Variants in ARSG observed in about 807,000 individuals in gnomAD.
The protein encoded by ARSG is arylsulfatase G.
In ARSG, 37 loss-of-function variants were observed where a neutral mutation model predicts 50.5. The ratio of observed to expected loss-of-function variants is 0.73; its 90% CI spans 0.56 to 0.96. ARSG has a LOEUF of 0.96. Among genes scored for constraint, ARSG ranks in the 50% least tolerant of loss-of-function variants. The pLI, the probability that ARSG is intolerant of heterozygous loss-of-function variation, is 0.00. For missense variants in ARSG, 629 were observed against 675.3 expected, an observed-to-expected ratio of 0.93 and a Z score of 0.76; for synonymous variants, 225 against 254.6, an observed-to-expected ratio of 0.88 and a Z score of 1.11.
intron 8 of ARSG, among the ~76,000 whole-genome samples, chr17:68,377,304 G>A (rs906367867): frequency 2.6e-5 from 4 of 152,232 alleles, no homozygotes; most frequent in African/African-American, 9.6e-5. Context: ...TCCAAGTCAC[G>A]TGACTGCTCT....
At chr17:68,386,260 T>C (rs1388889547) in intron 9 of ARSG, among the ~76,000 whole-genome samples, 2 of 152,214 alleles carry the variant, frequency 1.3e-5, no homozygotes, top group African/African-American at 4.8e-5. Flanking sequence ...GAACCCTCCG[T>C]AGAACCCTGT....
intron 9 of ARSG, among the ~76,000 whole-genome samples, chr17:68,392,190 C>G (rs1190891128): frequency 6.6e-6 from 1 of 152,228 alleles, no homozygotes; most frequent in Non-Finnish European, 1.5e-5. Flanking sequence ...TAGCTCAGCC[C>G]TCCTGGCTCC....
chr17:68,384,812 C>G (rs184571051), intron 8 of ARSG, among the ~76,000 whole-genome samples: 1 of 152,138 alleles, frequency 6.6e-6, no homozygotes, highest in Non-Finnish European at 1.5e-5. Context: ...TGGGGAAGGT[C>G]TCATGAAGAA....
intron 4 of ARSG, among the ~76,000 whole-genome samples, chr17:68,347,687 A>G (rs1168759601): frequency 1.3e-5 from 2 of 152,144 alleles, no homozygotes; most frequent in Non-Finnish European, 2.9e-5. Context: ...TGAAGGGCGG[A>G]TTCTCCAAAC....
At chr17:68,435,557 C>G in the ARSG span, 62 of 1,518,766 alleles carry the variant, frequency 4.1e-5, no homozygotes, top group Middle Eastern at 6.3e-4. Context: ...CAATCCCATC[C>G]CTGCGCACGG....
chr17:68,420,664 C>T lies in ARSG; in HGVS notation c.*201C>T. The T allele has an allele frequency of 1.6e-6, 1 of 644,554 alleles. No individual in the cohort carries two copies. Among genetic ancestry groups the T allele is most frequent in the Admixed American group, 3.0e-5 (1 of 33,000 alleles). The allele number at this position is 644,554 out of a possible 1,614,324, so 39.9% of individuals were successfully genotyped here. On this transcript the variant is annotated 3_prime_UTR_variant, in exon 12 of 12. Transcript: ENST00000621439. The stretch of plus-strand genomic sequence containing the variant: ...GCAGCTGAGCTGCGCTGGCTCTGGG[C>T]AGGGAGTGTGCCTTAATGGGAAGCA...
At chr17:68,313,681 C>CTTTTTTTTT (rs10660116) in intron 2 of ARSG, among the ~76,000 whole-genome samples, 6 of 123,400 alleles carry the variant, frequency 4.9e-5, no homozygotes, top group Non-Finnish European at 6.7e-5. Context: ...CTCTCTCTCT[C>CTTTTTTTTT]TCTTTTTTTT....
intron 1 of ARSG, among the ~76,000 whole-genome samples, chr17:68,261,869 G>C (rs2075075321): frequency 6.6e-6 from 1 of 152,056 alleles, no homozygotes; most frequent in Non-Finnish European, 1.5e-5. Context: ...AACAGTAAGA[G>C]AGGCTGGGCG....
At chr17:68,385,634 C>T (rs2080684121) in intron 9 of ARSG, among the ~76,000 whole-genome samples, 1 of 151,796 alleles carries the variant, frequency 6.6e-6, no homozygotes, top group South Asian at 2.1e-4. Flanking sequence ...CTGGGAATAA[C>T]ACCTGAGTGA....
intron 1 of ARSG, among the ~76,000 whole-genome samples, chr17:68,298,973 G>A (rs1166515607): frequency 6.6e-6 from 1 of 151,950 alleles, no homozygotes; most frequent in Admixed American, 6.6e-5. Context: ...ATATTTCATT[G>A]AGAAAGTAGA....
intron 1 of ARSG, among the ~76,000 whole-genome samples, chr17:68,298,221 A>G (rs936866154): frequency 3.9e-5 from 6 of 152,050 alleles, no homozygotes; most frequent in African/African-American, 1.4e-4. Context: ...TCTTACCCCT[A>G]TTTCTGCCCC....
At chr17:68,309,145 T>C (rs2076736741) in intron 2 of ARSG, among the ~76,000 whole-genome samples, 1 of 152,230 alleles carries the variant, frequency 6.6e-6, no homozygotes, top group African/African-American at 2.4e-5. Flanking sequence ...CCGCAGCTGC[T>C]GGCCCGGGTT....
At chr17:68,426,534 T>A (rs753721485), downstream of ARSG, among the ~76,000 whole-genome samples, 1 of 152,020 alleles carries the variant, frequency 6.6e-6, no homozygotes, top group Non-Finnish European at 1.5e-5. Context: ...GAAATTTTAG[T>A]TTAGTTTTTA....
At chr17:68,407,664 G>C (rs943392619) in intron 11 of ARSG, among the ~76,000 whole-genome samples, 2 of 151,680 alleles carry the variant, frequency 1.3e-5, no homozygotes, top group African/African-American at 4.8e-5. Context: ...CTTGGTTGCT[G>C]TTGGTGTATA....
chr17:68,347,425 C>A (rs549867322), intron 4 of ARSG, among the ~76,000 whole-genome samples: 23 of 152,296 alleles, frequency 1.5e-4, no homozygotes, highest in Admixed American at 1.5e-3. Flanking sequence ...ACAGGCCCAT[C>A]AGCTTTTTTG....
chr17:68,307,826 G>T, intron 2 of ARSG, 115 bp downstream of exon 2: 1 of 632,078 alleles, frequency 1.6e-6, no homozygotes, highest in African/African-American at 1.8e-5. Flanking sequence ...TGCTGATTTA[G>T]TTAATTTATT....
At chr17:68,424,707 C>A (rs897970587), downstream of ARSG, among the ~76,000 whole-genome samples, 3 of 152,148 alleles carry the variant, frequency 2.0e-5, no homozygotes, top group African/African-American at 7.2e-5. Context: ...GAAACCCCGT[C>A]TCTACTAAAA....
chr17:68,340,615 A>G (rs2078226492), intron 2 of ARSG, among the ~76,000 whole-genome samples: 1 of 152,056 alleles, frequency 6.6e-6, no homozygotes, highest in South Asian at 2.1e-4. Flanking sequence ...ACATTGTCCC[A>G]AGTTTGGCCA....
At chr17:68,273,841 T>C in intron 1 of ARSG, 1 of 1,455,476 alleles carries the variant, frequency 6.9e-7, no homozygotes, top group Middle Eastern at 1.8e-4. Flanking sequence ...GAAAGAAATA[T>C]AGTTTGGCTT....
Sources: allele counts gnomAD v4.1 joint callset (sites outside exome capture counted in the v4.1 genomes callset), GRCh38; gene constraint gnomAD v4.1.1; transcripts MANE v1.5; gene names NCBI Gene and HGNC (gene_info 2026-07-23, HGNC 2026-07-21).